The following CACNG2 variants were observed in gnomAD, a reference collection of about 807,000 sequenced individuals.
CACNG2 encodes calcium voltage-gated channel auxiliary subunit gamma 2.
A neutral mutation model predicts 25.9 loss-of-function variants in CACNG2; 3 were observed. The observed-to-expected ratio is 0.12, with a 90% CI of 0.05 to 0.30. The LOEUF is 0.30. CACNG2 is among the 10% of genes least tolerant of loss of function. The probability of loss-of-function intolerance (pLI) is 1.00; values close to 1 mark genes in which losing one functional copy is unlikely to be tolerated. For synonymous variants in CACNG2, 167 were observed against 173.3 expected (o/e 0.96, Z 0.29); for missense variants, 341 against 432.5 (o/e 0.79, Z 1.88).
chr22:36,570,045 C>T (rs1398324904), intron 2 of CACNG2, among the ~76,000 whole-genome samples: 9 of 152,200 alleles, frequency 5.9e-5, no homozygotes, highest in Admixed American at 2.0e-4. Flanking sequence ...CCACAGGATG[C>T]CTGCAGGTCG....
At chr22:36,608,456 G>A (rs1334225876) in intron 1 of CACNG2, among the ~76,000 whole-genome samples, 6 of 152,152 alleles carry the variant, frequency 3.9e-5, no homozygotes, top group Non-Finnish European at 5.9e-5. Context: ...AATACTTTCT[G>A]TTCTCTCTCT....
At chr22:36,616,258 G>A (rs1236971372) in intron 1 of CACNG2, among the ~76,000 whole-genome samples, 2 of 152,160 alleles carry the variant, frequency 1.3e-5, no homozygotes, top group Non-Finnish European at 2.9e-5. Context: ...TAAGAACTCT[G>A]TAAATGTTAC....
intron 1 of CACNG2, among the ~76,000 whole-genome samples, chr22:36,684,041 A>G (rs1937163743): frequency 2.0e-5 from 3 of 152,188 alleles, no homozygotes; most frequent in South Asian, 4.1e-4. Context: ...TCACCTAAAG[A>G]AAAAAGCTGA....
At chr22:36,593,871 G>A (rs1935633245) in intron 1 of CACNG2, among the ~76,000 whole-genome samples, 1 of 152,064 alleles carries the variant, frequency 6.6e-6, no homozygotes, top group Non-Finnish European at 1.5e-5. Flanking sequence ...GGTGGTGCTG[G>A]GGAGAGGTAT....
chr22:36,694,141 AC>A, intron 1 of CACNG2, among the ~76,000 whole-genome samples: 1 of 152,230 alleles, frequency 6.6e-6, no homozygotes. Context: ...CTTTCTTAGC[AC>A]CCTGCCTACG....
chr22:36,680,852 T>TACCACCACCATCACCATCACTATCACC (rs1439054189), intron 1 of CACNG2, among the ~76,000 whole-genome samples: 1 of 138,616 alleles, frequency 7.2e-6, no homozygotes, highest in Non-Finnish European at 1.6e-5. Flanking sequence ...TTACAATTAC[T>TACCACCACCATCACCATCACTATCACC]ACCACCACCA....
intron 1 of CACNG2, among the ~76,000 whole-genome samples, chr22:36,604,950 T>C (rs1407081680): frequency 6.6e-6 from 1 of 152,098 alleles, no homozygotes; most frequent in Non-Finnish European, 1.5e-5. Flanking sequence ...GCTGATTTTT[T>C]ATTTGTAGAG....
chr22:36,679,231 C>CTTTCTTTCTTTCTTTCCTTCT (rs1569049917), intron 1 of CACNG2, among the ~76,000 whole-genome samples: 9 of 86,746 alleles, frequency 1.0e-4, no homozygotes, highest in African/African-American at 5.2e-4. Flanking sequence ...TCTTTCTTTC[C>CTTTCTTTCTTTCTTTCCTTCT]TTCTTTCTTT....
At chr22:36,570,175 G>A (rs576888083) in intron 2 of CACNG2, among the ~76,000 whole-genome samples, 2 of 152,358 alleles carry the variant, frequency 1.3e-5, no homozygotes, top group South Asian at 4.1e-4. Context: ...CTGCCAGCAG[G>A]GGGAGGGAGC....
intron 1 of CACNG2, among the ~76,000 whole-genome samples, chr22:36,662,691 T>A (rs8141076): frequency 0.1 from 15,565 of 152,148 alleles, 2,632 homozygotes; most frequent in African/African-American, 0.36. Flanking sequence ...CCTGAGTGTG[T>A]TCACCTACAT....
intron 1 of CACNG2, among the ~76,000 whole-genome samples, chr22:36,620,556 T>C (rs1293642687): frequency 1.3e-5 from 2 of 152,280 alleles, no homozygotes; most frequent in African/African-American, 4.8e-5. Flanking sequence ...CACAGACTTA[T>C]GAGTAAGACT....
intron 2 of CACNG2, among the ~76,000 whole-genome samples, chr22:36,577,730 GC>G (rs1424786555): frequency 6.6e-6 from 1 of 152,014 alleles, no homozygotes; most frequent in Non-Finnish European, 1.5e-5. Flanking sequence ...AGGCTGGGTG[GC>G]TTTTGGGGAA....
At chr22:36,579,445 T>C (rs1354390525) in intron 2 of CACNG2, among the ~76,000 whole-genome samples, 1 of 147,762 alleles carries the variant, frequency 6.8e-6, no homozygotes, top group Non-Finnish European at 1.5e-5. Flanking sequence ...CCGGCTGTCT[T>C]GTCAAATACA....
intron 1 of CACNG2, among the ~76,000 whole-genome samples, chr22:36,689,754 A>G (rs750888831): frequency 6.6e-6 from 1 of 152,244 alleles, no homozygotes; most frequent in Non-Finnish European, 1.5e-5. Flanking sequence ...TCGCCTTGGC[A>G]CCTGGCATTC....
intron 1 of CACNG2, among the ~76,000 whole-genome samples, chr22:36,590,937 C>T (rs1448625043): frequency 2.0e-5 from 3 of 152,168 alleles, no homozygotes; most frequent in Non-Finnish European, 4.4e-5. Flanking sequence ...ACCACGTCCT[C>T]TGTTGCCTCT....
intron 1 of CACNG2, among the ~76,000 whole-genome samples, chr22:36,669,855 G>A (rs747888178): frequency 5.3e-5 from 8 of 152,106 alleles, no homozygotes; most frequent in African/African-American, 7.2e-5. Flanking sequence ...TGGGATTACA[G>A]GTGCCCAACA....
At chr22:36,679,144 TC>T (rs1172196090) in intron 1 of CACNG2, among the ~76,000 whole-genome samples, 1 of 41,126 alleles carries the variant, frequency 2.4e-5, no homozygotes, top group Non-Finnish European at 5.6e-5. Flanking sequence ...CTCCCTTCCT[TC>T]CTTCCTTCCT....
chr22:36,671,420 A>G (rs1321550809), intron 1 of CACNG2, among the ~76,000 whole-genome samples: 1 of 152,172 alleles, frequency 6.6e-6, no homozygotes, highest in Non-Finnish European at 1.5e-5. Flanking sequence ...ATTGGCTTAA[A>G]TAATTCATCC....
At position 36,667,865 on chromosome 22, in the gene CACNG2, C is replaced by T. The variant is rs116182016; in HGVS notation, c.211+34501G>A. Among the ~76,000 whole-genome samples, 1,174 of 152,248 alleles carry T rather than the reference C, an allele frequency of 7.7e-3. 13 individuals are homozygous for T. Among genetic ancestry groups the T allele is most frequent in the African/African-American group, 0.027 (1,134 of 41,536 alleles). ...ATATCTGGTAATTACCTTGGTTTTTCGCTTTGCCAGACTCGGCTTCCTAAA... is the reference window on the plus strand; with the variant it reads ...ATATCTGGTAATTACCTTGGTTTTTTGCTTTGCCAGACTCGGCTTCCTAAA... On this transcript the variant is annotated intron_variant, in intron 1 of 3. Transcript: ENST00000300105.
Sources: gnomAD v4.1 joint callset for allele counts (sites outside exome capture counted in the v4.1 genomes callset) on GRCh38, gnomAD v4.1.1 for gene constraint, MANE v1.5 for transcripts, NCBI Gene and HGNC (gene_info 2026-07-23, HGNC 2026-07-21) for gene names.